Variants in CPNE2 observed in about 807,000 individuals in gnomAD.
CPNE2 encodes copine 2, also known as copine-2.
CPNE2 carries 42 observed loss-of-function variants against 69.7 expected under a neutral mutation model. That is an observed-to-expected ratio of 0.60 (90% CI 0.47 to 0.78). CPNE2 has a LOEUF of 0.78. Among genes scored for constraint, CPNE2 ranks in the 30% least tolerant of loss-of-function variants. The pLI is 0.00. For missense variants in CPNE2, 587 were observed against 732.0 expected (o/e 0.80, Z 2.29); for synonymous variants, 294 against 289.8 (o/e 1.01, Z -0.15).
chr16:57,119,885 C>T (rs2069748813), intron 7 of CPNE2, among the ~76,000 whole-genome samples: 1 of 152,208 alleles, frequency 6.6e-6, no homozygotes, highest in Non-Finnish European at 1.5e-5. Context: ...TCTTGCCCTC[C>T]CCAGAGGGCT....
chr16:57,137,617 C>A (rs1449634932), intron 14 of CPNE2, among the ~76,000 whole-genome samples: 1 of 152,204 alleles, frequency 6.6e-6, no homozygotes, highest in Non-Finnish European at 1.5e-5. Flanking sequence ...AACGCTGACC[C>A]TTCTGAGCCA....
At chr16:57,132,426 G>C (rs756903613) in intron 12 of CPNE2, among the ~76,000 whole-genome samples, 3 of 152,192 alleles carry the variant, frequency 2.0e-5, no homozygotes, top group Admixed American at 6.5e-5. Flanking sequence ...GAGGCTCAGA[G>C]AGGACAGTCA....
At chr16:57,097,877 G>T (rs1315165793) in intron 1 of CPNE2, among the ~76,000 whole-genome samples, 1 of 152,250 alleles carries the variant, frequency 6.6e-6, no homozygotes, top group Non-Finnish European at 1.5e-5. Context: ...GAGAGCCACA[G>T]CACTCCGTGC....
intron 6 of CPNE2, 21 bp from the exon 7 acceptor site, chr16:57,119,540 G>T (rs374879920): frequency 1.2e-6 from 2 of 1,602,256 alleles, no homozygotes; most frequent in African/African-American, 2.7e-5. Context: ...TGAGCTCACA[G>T]CATCCCTCTC....
At chr16:57,138,188 G>A (rs1400993095) in intron 14 of CPNE2, among the ~76,000 whole-genome samples, 2 of 152,120 alleles carry the variant, frequency 1.3e-5, no homozygotes, top group Non-Finnish European at 2.9e-5. Flanking sequence ...TACCTCCTGG[G>A]AGACCTCGGC....
At chr16:57,123,706 A>C in intron 10 of CPNE2, 1 of 556,380 alleles carries the variant, frequency 1.8e-6, no homozygotes, top group Non-Finnish European at 3.2e-6. Flanking sequence ...CACAGCTTTC[A>C]GTCTGGTGGC....
intron 7 of CPNE2, 65 bp from the exon 8 acceptor site, chr16:57,121,028 T>C: frequency 8.2e-7 from 1 of 1,216,214 alleles, no homozygotes; most frequent in South Asian, 1.4e-5. Flanking sequence ...CTTGGGGAGT[T>C]GAGAGGGGCT....
chr16:57,104,021 A>AT (rs2069632762), intron 1 of CPNE2, among the ~76,000 whole-genome samples: 1 of 152,080 alleles, frequency 6.6e-6, no homozygotes, highest in Admixed American at 6.5e-5. Flanking sequence ...GGTTCAAGCA[A>AT]TTCTCCTGCC....
chr16:57,146,295 T>G lies in CPNE2; in HGVS notation c.1513T>G (p.Phe505Val). 3 of 1,553,620 alleles carry G rather than the reference T, an allele frequency of 1.9e-6. No homozygotes were observed. The highest frequency in any genetic ancestry group is 2.6e-6 in the Non-Finnish European group (3 of 1,147,746). ...GEEAARDIVQ[F>V]VPFREFRNAA... ...GGAGGCAGCCCGCGATATTGTGCAG[T>G]TCGTTCCCTTTCGAGAGTTCCGCAA... The change falls in exon 15 of 16, where the codon TTC (phenylalanine) becomes GTC (valine). Residue 505 changes from phenylalanine (F) to valine (V), a missense_variant. This residue lies in a region of CPNE2 where 185 missense variants were observed against 252.3 expected (regional missense o/e 0.73). Coordinates refer to ENST00000290776, the MANE Select transcript of CPNE2 (RefSeq NM_152727.6). This position sits in a 1 kb window ranked among gnomAD's most constrained non-coding sequence, Gnocchi z 4.4.
Position 57,122,041 on chromosome 16 carries a change from G to A in CPNE2, c.867+281G>A, listed in dbSNP as rs139103308. 2.1e-3 allele frequency among the ~76,000 whole-genome samples: 321 copies of A among 152,382 alleles called. 2 individuals carry two copies. Among genetic ancestry groups the A allele is most frequent in the African/African-American group, 7.6e-3 (316 of 41,598 alleles). On this transcript the variant is annotated intron_variant, in intron 9 of 15. Coordinates refer to ENST00000290776, the MANE Select transcript of CPNE2 (RefSeq NM_152727.6). ...GAGCTGACCTTCCAGGGCCTGTCCT[G>A]GTGGGAGAATTGTCATTGCGAGTTG...
chr16:57,102,513 T>G (rs1178917165), intron 1 of CPNE2, among the ~76,000 whole-genome samples: 1 of 152,090 alleles, frequency 6.6e-6, no homozygotes, highest in Non-Finnish European at 1.5e-5. Flanking sequence ...ACTACCATGG[T>G]CTCTCTGGGC....
At chr16:57,118,286 C>T (rs1315243166) in intron 5 of CPNE2, among the ~76,000 whole-genome samples, 2 of 151,594 alleles carry the variant, frequency 1.3e-5, no homozygotes, top group African/African-American at 4.8e-5. Context: ...CTGCCTCAGC[C>T]TCCCGAGTAG....
Position 57,146,414 on chromosome 16 carries a change from C to A in CPNE2, c.1539+93C>A. 1.9e-6 allele frequency: 2 copies of A among 1,058,120 alleles called. No individual in the cohort carries two copies. Among genetic ancestry groups the A allele is most frequent in the Non-Finnish European group, 2.7e-6 (2 of 730,330 alleles). The allele number at this position is 1,058,120 out of a possible 1,614,324, so 65.5% of individuals were successfully genotyped here. ...TTGAGAGTCTTGGGGTTGTCTGGCC[C>A]AATCCTAGACTTCTCCACTCCATTG... is the stretch of plus-strand genomic sequence containing the variant. On this transcript the variant is annotated intron_variant, in intron 15 of 15. Coordinates refer to ENST00000290776, the MANE Select transcript of CPNE2 (RefSeq NM_152727.6). This position sits in a 1 kb window ranked among gnomAD's most constrained non-coding sequence, Gnocchi z 4.4.
rs767674939 is a variant in CPNE2 at position 57,121,115 on chromosome 16, A to G, written c.704A>G (p.Asn235Ser). ...PIQVMCYDYDNDGGHDFIGEF... is the reference protein window; with the variant it reads ...PIQVMCYDYDSDGGHDFIGEF... ...CAGGTCATGTGCTACGACTATGACAATGACGGGGGCCATGACTTCATCGGC... is the reference window on the plus strand; with the variant it reads ...CAGGTCATGTGCTACGACTATGACAGTGACGGGGGCCATGACTTCATCGGC... The change falls in exon 8 of 16, where the codon AAT (asparagine) becomes AGT (serine). Residue 235 changes from asparagine to serine, a missense_variant. Transcript: ENST00000290776. 3.3e-5 allele frequency: 53 copies of G among 1,613,856 alleles called. No homozygotes were observed. In the Middle Eastern group the frequency reaches 4.9e-4, roughly 15 times the overall value.
chr16:57,127,056 T>G (rs1230217089), intron 11 of CPNE2, among the ~76,000 whole-genome samples: 1 of 152,184 alleles, frequency 6.6e-6, no homozygotes, highest in East Asian at 1.9e-4. Flanking sequence ...TGAAATGTGG[T>G]CCCTGTCCTC....
At position 57,134,818 on chromosome 16, in the gene CPNE2, T is replaced by C. The variant is rs758320114; in HGVS notation, c.1160T>C (p.Phe387Ser). The C allele has an allele frequency of 1.9e-6, 3 of 1,613,904 alleles. No homozygotes were observed. Among genetic ancestry groups the C allele is most frequent in the Non-Finnish European group, 2.5e-6 (3 of 1,179,900 alleles). ...FAINFNPTNP[F>S]CSGVDGIAQA... ...ATCAACTTCAACCCCACCAACCCCT[T>C]CTGCTCAGGTGAGTGTCAGACCCAC... is the stretch of plus-strand genomic sequence containing the variant. Residue 387 changes from phenylalanine (F) to serine (S), a missense_variant, in exon 13 of 16, where the codon TTC (phenylalanine) becomes TCC (serine). Around this residue, in one of 5 missense-constraint regions of CPNE2, gnomAD observed 185 missense variants for 252.3 expected, o/e 0.73. Transcript: ENST00000290776.
chr16:57,127,057 C>T (rs1293121662), intron 11 of CPNE2, among the ~76,000 whole-genome samples: 5 of 152,154 alleles, frequency 3.3e-5, no homozygotes, highest in African/African-American at 1.2e-4. Context: ...GAAATGTGGT[C>T]CCTGTCCTCA....
intron 10 of CPNE2, 82 bp downstream of exon 10, chr16:57,123,555 A>G: frequency 7.0e-7 from 1 of 1,437,200 alleles, no homozygotes; most frequent in Non-Finnish European, 9.7e-7. Flanking sequence ...TAGTGCAGCC[A>G]GAGGGACTTA....
chr16:57,125,765 T>C, intron 10 of CPNE2, 95 bp from the exon 11 acceptor site: 2 of 1,485,666 alleles, frequency 1.3e-6, no homozygotes, highest in Non-Finnish European at 1.8e-6. Context: ...ATGAGTGGGC[T>C]TCCCATGTCC....
Sources: allele counts gnomAD v4.1 joint callset (sites outside exome capture counted in the v4.1 genomes callset), GRCh38; gene constraint gnomAD v4.1.1; regional missense constraint gnomAD v4.1.1; non-coding constraint Gnocchi (gnomAD v3.1); transcripts MANE v1.5; gene names NCBI Gene and HGNC (gene_info 2026-07-23, HGNC 2026-07-21).